The following ZFAND5 variants were observed in gnomAD, a reference collection of about 807,000 sequenced individuals.
The protein encoded by ZFAND5 is zinc finger AN1-type containing 5.
Under a neutral mutation model 23.6 loss-of-function variants are expected in ZFAND5, and 4 were observed. That is an observed-to-expected ratio of 0.17 (90% CI 0.08 to 0.39). The LOEUF is 0.39. Among genes scored for constraint, ZFAND5 ranks in the 10% least tolerant of loss-of-function variants. The probability of loss-of-function intolerance (pLI) is 1.00; values close to 1 mark genes in which losing one functional copy is unlikely to be tolerated. For synonymous variants in ZFAND5, 68 were observed against 80.6 expected (o/e 0.84, Z 0.84); for missense variants, 161 against 253.7 (o/e 0.63, Z 2.48).
chr9:72,364,636 T>G, intron 1 of ZFAND5, 60 bp downstream of exon 1: 1 of 1,163,166 alleles, frequency 8.6e-7, no homozygotes, highest in South Asian at 1.6e-5. Flanking sequence ...GTCCCTTCAC[T>G]CCCGCCCCCG....
intron 6 of ZFAND5, 55 bp from the exon 7 acceptor site, chr9:72,356,156 A>C: frequency 6.4e-7 from 1 of 1,574,290 alleles, no homozygotes; most frequent in Non-Finnish European, 8.6e-7. Flanking sequence ...TAAAAGAAAA[A>C]AAAGCCTTAG....
chr9:72,362,948 C>A (rs1842147556), intron 2 of ZFAND5, among the ~76,000 whole-genome samples: 1 of 152,066 alleles, frequency 6.6e-6, no homozygotes. Context: ...CCTACACAAC[C>A]CCAAGAACTA....
At position 72,364,369 on chromosome 9, in the gene ZFAND5, TG is replaced by T. The variant is rs372377120; in HGVS notation, c.-147+326del. On this transcript the variant is annotated intron_variant, in intron 1 of 6. Transcript: ENST00000376962. ...CGCCGCCTCGGCCTCTTTGTTTCTC[TG>T]GGTCGTGGTGCCCACGCCGGGCGCC... 5,673 of 1,153,030 alleles carry T rather than the reference TG, an allele frequency of 4.9e-3. 201 individuals carry two copies. In the African/African-American group the frequency reaches 0.087, roughly 18 times the overall value. The allele number at this position is 1,153,030 out of a possible 1,614,324, so 71.4% of individuals were successfully genotyped here. A position where few individuals can be genotyped will look rare whatever the true frequency, so the allele number is the denominator to read the frequency against.
chr9:72,364,458 C>T, intron 1 of ZFAND5: 1 of 1,275,420 alleles, frequency 7.8e-7, no homozygotes, highest in Non-Finnish European at 1.0e-6. Context: ...CATTGTTTCC[C>T]GACCGTGCTG....
chr9:72,352,454 G>A lies in ZFAND5; in HGVS notation c.*3499C>T, dbSNP rs750316137. On this transcript the variant is annotated 3_prime_UTR_variant, in exon 7 of 7. Coordinates refer to ENST00000376962, the MANE Select transcript of ZFAND5 (RefSeq NM_001102420.3). Reference sequence around the variant, plus strand: ...GTGTGCCTTTGAAATGGAGGATATGGGACAGCTTGAGAGGCTTTGCTTCTC... The same window carrying A: ...GTGTGCCTTTGAAATGGAGGATATGAGACAGCTTGAGAGGCTTTGCTTCTC... 1 of 152,160 alleles carries A rather than the reference G, an allele frequency of 6.6e-6. No individual in the cohort carries two copies. Among genetic ancestry groups the A allele is most frequent in the Non-Finnish European group, 1.5e-5 (1 of 68,034 alleles). 9.4% of individuals were successfully genotyped at this position (152,160 alleles called of 1,614,324 possible).
rs774841952 is a variant in ZFAND5 at position 72,356,061 on chromosome 9, G to A, written c.534C>T (p.His178=). 1.2e-6 allele frequency: 2 copies of A among 1,613,570 alleles called. No individual in the cohort carries two copies. The highest frequency in any genetic ancestry group is 1.7e-6 in the Non-Finnish European group (2 of 1,179,778). The change falls in exon 7 of 7, where the codon CAC becomes CAT. Residue 178 remains histidine (H), a synonymous_variant. Coordinates refer to ENST00000376962, the MANE Select transcript of ZFAND5 (RefSeq NM_001102420.3). ...GACAGTTGTGCTTGTCAGAGTAACG[G>A]TGAAGTCCACAAAACAAATTTCCAC... is the stretch of plus-strand genomic sequence containing the variant. ...CRCGNLFCGL[H]RYSDKHNCPY... is the part of the protein sequence containing the mutation.
chr9:72,362,975 A>G (rs796420032), intron 2 of ZFAND5, among the ~76,000 whole-genome samples: 1 of 152,220 alleles, frequency 6.6e-6, no homozygotes, highest in Non-Finnish European at 1.5e-5. Flanking sequence ...CAGCGTTCAT[A>G]TATCTAACAT....
intron 3 of ZFAND5, 179 bp from the exon 4 acceptor site, chr9:72,360,400 A>G (rs1425644931): frequency 1.2e-6 from 1 of 816,214 alleles, no homozygotes; most frequent in Non-Finnish European, 1.9e-6. Flanking sequence ...AATGAACACA[A>G]GTGTGAAACA....
rs189846869 is a variant in ZFAND5, at chr9:72,352,933, A to G, written c.*3020T>C. The G allele has an allele frequency of 2.0e-5, 3 of 152,338 alleles. No individual in the cohort carries two copies. Among genetic ancestry groups the G allele is most frequent in the African/African-American group, 4.8e-5 (2 of 41,584 alleles). The allele number at this position is 152,338 out of a possible 1,614,324, so 9.4% of individuals were successfully genotyped here. A position where few individuals can be genotyped will look rare whatever the true frequency, so the allele number is the denominator to read the frequency against. On this transcript the variant is annotated 3_prime_UTR_variant, in exon 7 of 7. Coordinates refer to ENST00000376962, the MANE Select transcript of ZFAND5 (RefSeq NM_001102420.3). ...GGCTGGTTCCAGGGTCCCTCATCTT[A>G]ATCACTATGCCATAATGCTCAGAAA...
chr9:72,360,124 T>G lies in ZFAND5; in HGVS notation c.249A>C (p.Thr83=), dbSNP rs1842055944. The G allele has an allele frequency of 6.2e-7, 1 of 1,610,226 alleles. No individual in the cohort carries two copies. Among genetic ancestry groups the G allele is most frequent in the Non-Finnish European group, 8.5e-7 (1 of 1,178,368 alleles). The change falls in exon 4 of 7, where the codon ACA becomes ACC. Residue 83 remains threonine, a synonymous_variant. Transcript: ENST00000376962. ...TTCAATCTTACCTTGATTTTTCAGA[T>G]GTGCTGCCAGCAGCACCTTCACAGT... The part of the protein sequence containing the change: ...LNNCEGAAGS[T]SEKSRNVPVA...
chr9:72,362,588 A>C (rs1842136142), intron 2 of ZFAND5, among the ~76,000 whole-genome samples: 1 of 152,180 alleles, frequency 6.6e-6, no homozygotes, highest in Non-Finnish European at 1.5e-5. Flanking sequence ...GATTTCACAC[A>C]CTCAGAGATA....
chr9:72,360,937 A>T, intron 2 of ZFAND5, 150 bp from the exon 3 acceptor site: 2 of 710,774 alleles, frequency 2.8e-6, no homozygotes, highest in East Asian at 3.2e-5. Flanking sequence ...GATAATTATC[A>T]ATATTTTGTT....
At chr9:72,358,025 T>C (rs1367750650) in intron 5 of ZFAND5, among the ~76,000 whole-genome samples, 1 of 152,118 alleles carries the variant, frequency 6.6e-6, no homozygotes, top group Non-Finnish European at 1.5e-5. Context: ...AATGTAACAA[T>C]AGCAAATTTA....
At chr9:72,363,648 AT>A in intron 1 of ZFAND5, 42 bp from the exon 2 acceptor site, 2 of 983,784 alleles carry the variant, frequency 2.0e-6, no homozygotes, top group Non-Finnish European at 1.2e-6. Flanking sequence ...AGAATCCTTA[AT>A]TTTTTAGGGG....
chr9:72,358,537 C>T (rs1036211049), intron 5 of ZFAND5, among the ~76,000 whole-genome samples: 4 of 151,936 alleles, frequency 2.6e-5, no homozygotes, highest in Non-Finnish European at 4.4e-5. Flanking sequence ...AAAACAAAAA[C>T]CCAAACAAAG....
chr9:72,364,441 C>T, intron 1 of ZFAND5: 1 of 1,267,612 alleles, frequency 7.9e-7, no homozygotes. Flanking sequence ...AGAGGCGGCA[C>T]GCCGTGCATT....
chr9:72,360,528 G>A (rs1842068952), intron 3 of ZFAND5, 100 bp downstream of exon 3: 1 of 1,509,984 alleles, frequency 6.6e-7, no homozygotes, highest in African/African-American at 1.4e-5. Flanking sequence ...CTTATCAGGT[G>A]TTCTCTCCAT....
At chr9:72,358,828 A>C (rs1442106400) in intron 5 of ZFAND5, among the ~76,000 whole-genome samples, 1 of 152,078 alleles carries the variant, frequency 6.6e-6, no homozygotes, top group African/African-American at 2.4e-5. Flanking sequence ...AAAGCACAGA[A>C]ATCTTTTTGT....
In ZFAND5 at chr9:72,363,501, G is replaced by T; in HGVS notation, c.-41C>A. Reference sequence around the variant, plus strand: ...ATGGAGACCTGAGTTCAAGTCTCTAGTCTGCCACTAAGTCAGTGACCTTGG... The same window carrying T: ...ATGGAGACCTGAGTTCAAGTCTCTATTCTGCCACTAAGTCAGTGACCTTGG... On this transcript the variant is annotated 5_prime_UTR_variant, in exon 2 of 7. Transcript: ENST00000376962. 5.0e-6 allele frequency: 2 copies of T among 401,168 alleles called. No individual in the cohort carries two copies. Among genetic ancestry groups the T allele is most frequent in the Non-Finnish European group, 6.8e-6 (2 of 295,752 alleles). 24.9% of individuals were successfully genotyped at this position (401,168 alleles called of 1,614,324 possible).
Sources: gnomAD v4.1 joint callset for allele counts (sites outside exome capture counted in the v4.1 genomes callset) on GRCh38, gnomAD v4.1.1 for gene constraint, MANE v1.5 for transcripts, NCBI Gene and HGNC (gene_info 2026-07-23, HGNC 2026-07-21) for gene names.